Variants in RAB11FIP3 observed in about 807,000 individuals in gnomAD.
RAB11FIP3 encodes the protein RAB11 family interacting protein 3, also known as rab11 family-interacting protein 3.
A neutral mutation model predicts 77.8 loss-of-function variants in RAB11FIP3; 17 were observed. The ratio of observed to expected loss-of-function variants is 0.22; its 90% CI spans 0.15 to 0.33. The LOEUF is 0.33. Ranked by LOEUF, RAB11FIP3 falls within the 10% of genes least tolerant of loss-of-function variation. The pLI, the probability that RAB11FIP3 is intolerant of heterozygous loss-of-function variation, is 1.00. For synonymous variants in RAB11FIP3, 437 were observed against 448.2 expected (o/e 0.98, Z 0.31); for missense variants, 1,005 against 1,011.2 (o/e 0.99, Z 0.08).
chr16:517,423 C>T (rs1009936790), intron 9 of RAB11FIP3, among the ~76,000 whole-genome samples: 3 of 152,092 alleles, frequency 2.0e-5, no homozygotes, highest in African/African-American at 7.2e-5. Flanking sequence ...TAAAAATTAG[C>T]CACGTGTGGT....
chr16:445,494 G>A (rs1404127991), intron 1 of RAB11FIP3, among the ~76,000 whole-genome samples: 4 of 152,010 alleles, frequency 2.6e-5, no homozygotes, highest in Non-Finnish European at 4.4e-5. Context: ...GCCAATATGG[G>A]AGCTCTTTTA....
chr16:490,107 T>C (rs554818675), intron 5 of RAB11FIP3, among the ~76,000 whole-genome samples: 2 of 152,360 alleles, frequency 1.3e-5, no homozygotes, highest in South Asian at 4.1e-4. Context: ...TCCTGTTCAG[T>C]GTTTTCATTG....
Position 505,459 on chromosome 16 carries a change from C to A in RAB11FIP3, c.1396-65C>A. On this transcript the variant is annotated intron_variant, in intron 7 of 13. Coordinates refer to ENST00000262305, the MANE Select transcript of RAB11FIP3 (RefSeq NM_014700.4). This position sits in a 1 kb window ranked among gnomAD's most constrained non-coding sequence, Gnocchi z 4.0. ...TCCCCAGGCGGCCTCCCAGGTTGTT[C>A]CCTTGGGGGTGCAGGCCCTTCTGCT... The A allele has an allele frequency of 7.5e-7, 1 of 1,341,174 alleles. No individual in the cohort carries two copies. The highest frequency in any genetic ancestry group is 1.0e-6 in the Non-Finnish European group (1 of 972,042). The allele number at this position is 1,341,174 out of a possible 1,614,324, so 83.1% of individuals were successfully genotyped here.
intron 10 of RAB11FIP3, 170 bp downstream of exon 10, chr16:519,194 C>T: frequency 3.0e-6 from 2 of 657,456 alleles, no homozygotes; most frequent in Non-Finnish European, 2.6e-6. Flanking sequence ...CCGTGCTCCA[C>T]CCACAGGAGC....
chr16:517,188 A>T (rs1396563778), intron 9 of RAB11FIP3, among the ~76,000 whole-genome samples: 5 of 152,182 alleles, frequency 3.3e-5, no homozygotes, highest in African/African-American at 1.2e-4. Flanking sequence ...CGCTCTACAG[A>T]CACCATGACA....
intron 5 of RAB11FIP3, among the ~76,000 whole-genome samples, chr16:492,120 T>A (rs1302420504): frequency 1.3e-5 from 2 of 152,224 alleles, no homozygotes; most frequent in Non-Finnish European, 2.9e-5. Flanking sequence ...CCGAGGCACA[T>A]CCTTGCTGGC....
intron 3 of RAB11FIP3, among the ~76,000 whole-genome samples, chr16:477,279 C>T (rs2055934814): frequency 6.6e-6 from 1 of 152,016 alleles, no homozygotes; most frequent in African/African-American, 2.4e-5. Flanking sequence ...AAATTTTAGG[C>T]TACGTACTGA....
At chr16:454,102 A>G (rs1054543551) in intron 1 of RAB11FIP3, among the ~76,000 whole-genome samples, 7 of 152,194 alleles carry the variant, frequency 4.6e-5, no homozygotes, top group African/African-American at 1.4e-4. Flanking sequence ...TCATCATTCC[A>G]GGTGGTTGAA....
At chr16:460,094 C>T (rs1206354541) in intron 1 of RAB11FIP3, among the ~76,000 whole-genome samples, 1 of 152,120 alleles carries the variant, frequency 6.6e-6, no homozygotes, top group African/African-American at 2.4e-5. Flanking sequence ...TCAGGATGAT[C>T]TGGAACTCCC....
At position 520,980 on chromosome 16, in the gene RAB11FIP3, G is replaced by A; in HGVS notation, c.*141G>A. ...CAGGGAACCCTCGTGCAGCTGAGCTGGGGCCGCCAAAGACCGGGGCTGCCA... is the reference window on the plus strand; with the variant it reads ...CAGGGAACCCTCGTGCAGCTGAGCTAGGGCCGCCAAAGACCGGGGCTGCCA... On this transcript the variant is annotated 3_prime_UTR_variant, in exon 14 of 14. Coordinates refer to ENST00000262305, the MANE Select transcript of RAB11FIP3 (RefSeq NM_014700.4). 1.4e-6 allele frequency: 1 copy of A among 714,342 alleles called. No individual in the cohort carries two copies. Among genetic ancestry groups the A allele is most frequent in the East Asian group, 2.7e-5 (1 of 37,448 alleles). 44.3% of individuals were successfully genotyped at this position (714,342 alleles called of 1,614,324 possible).
At chr16:437,719 G>A (rs910794591) in intron 1 of RAB11FIP3, among the ~76,000 whole-genome samples, 4 of 152,110 alleles carry the variant, frequency 2.6e-5, no homozygotes, top group South Asian at 2.1e-4. Flanking sequence ...AGCCACGAGC[G>A]CGCAAGACTG....
chr16:429,767 G>A (rs2141836785), intron 1 of RAB11FIP3, among the ~76,000 whole-genome samples: 1 of 152,150 alleles, frequency 6.6e-6, no homozygotes, highest in African/African-American at 2.4e-5. Flanking sequence ...CAAAGTGCTG[G>A]GATTACAGGC....
intron 1 of RAB11FIP3, among the ~76,000 whole-genome samples, chr16:446,136 C>T (rs960551932): frequency 7.9e-5 from 12 of 151,978 alleles, no homozygotes; most frequent in Middle Eastern, 3.2e-3. Context: ...CTCAACTACT[C>T]GGGAGGCTGA....
chr16:435,529 A>C (rs2055113699), intron 1 of RAB11FIP3, among the ~76,000 whole-genome samples: 1 of 152,178 alleles, frequency 6.6e-6, no homozygotes, highest in South Asian at 2.1e-4. Flanking sequence ...CATCACACTT[A>C]CAACCAGGTA....
intron 1 of RAB11FIP3, among the ~76,000 whole-genome samples, chr16:427,113 A>G (rs1319661945): frequency 6.6e-6 from 1 of 152,152 alleles, no homozygotes; most frequent in African/African-American, 2.4e-5. Flanking sequence ...GGGCCCAGAT[A>G]CTGCTCGGCT....
intron 1 of RAB11FIP3, among the ~76,000 whole-genome samples, chr16:441,011 G>T (rs1490802640): frequency 6.6e-6 from 1 of 152,064 alleles, no homozygotes; most frequent in East Asian, 1.9e-4. Context: ...TGCAATCTCG[G>T]CTCACTGCAA....
chr16:492,471 A>C, intron 5 of RAB11FIP3, among the ~76,000 whole-genome samples: 1 of 98,912 alleles, frequency 1.0e-5, no homozygotes, highest in Non-Finnish European at 2.1e-5. Context: ...GGGAGACCCG[A>C]GGCCGCCCAG....
intron 3 of RAB11FIP3, among the ~76,000 whole-genome samples, chr16:473,227 G>A (rs1007901012): frequency 2.9e-4 from 44 of 152,222 alleles, no homozygotes; most frequent in African/African-American, 1.1e-3. Flanking sequence ...GGGTGTGGCC[G>A]AGCCTCACGC....
In RAB11FIP3 at chr16:502,767, C is replaced by CT. The variant is rs1338176114; in HGVS notation, c.1302-236dup. On this transcript the variant is annotated intron_variant, in intron 6 of 13. Transcript: ENST00000262305. ...GGTTCCAAAGAGCGCCAGGAAGACTCTGAGACCACAGAGCACGGCCTGCTT... is the reference window on the plus strand; with the variant it reads ...GGTTCCAAAGAGCGCCAGGAAGACTCTTGAGACCACAGAGCACGGCCTGCTT... The CT allele has an allele frequency of 5.4e-6, 3 of 558,310 alleles. No homozygotes were observed. In the East Asian group the frequency reaches 9.6e-5, roughly 18 times the overall value. 34.6% of individuals were successfully genotyped at this position (558,310 alleles called of 1,614,324 possible).
Sources: allele counts gnomAD v4.1 joint callset (sites outside exome capture counted in the v4.1 genomes callset), GRCh38; gene constraint gnomAD v4.1.1; non-coding constraint Gnocchi (gnomAD v3.1); transcripts MANE v1.5; gene names NCBI Gene and HGNC (gene_info 2026-07-23, HGNC 2026-07-21).